RPGRIP1: variants seen among roughly 807,000 people sequenced by gnomAD.
RPGRIP1 encodes the protein RPGR interacting protein 1, also known as X-linked retinitis pigmentosa GTPase regulator-interacting protein 1.
In RPGRIP1, 128 loss-of-function variants were observed where a neutral mutation model predicts 157.9. The observed-to-expected ratio is 0.81, with a 90% CI of 0.70 to 0.94. The LOEUF (loss-of-function observed/expected upper bound fraction) is 0.94. Ranked by LOEUF, RPGRIP1 falls within the 40% of genes least tolerant of loss-of-function variation. The probability of loss-of-function intolerance (pLI) is 0.00; values close to 1 mark genes in which losing one functional copy is unlikely to be tolerated. For synonymous variants in RPGRIP1, 554 were observed against 571.6 expected, an observed-to-expected ratio of 0.97 and a Z score of 0.44; for missense variants, 1,486 against 1,545.8, an observed-to-expected ratio of 0.96 and a Z score of 0.65.
chr14:21,348,134 G>A, intron 23 of RPGRIP1, 38 bp from the exon 24 acceptor site: 3 of 1,480,814 alleles, frequency 2.0e-6, no homozygotes, highest in Non-Finnish European at 2.7e-6. Flanking sequence ...AGCATTAAGA[G>A]TATCAACAGT....
chr14:21,346,935 T>G (rs1885628738), intron 23 of RPGRIP1, among the ~76,000 whole-genome samples: 1 of 152,268 alleles, frequency 6.6e-6, no homozygotes, highest in Admixed American at 6.5e-5. Context: ...AGGAGCCAGA[T>G]GAAATAAACA....
chr14:21,302,793 C>A, intron 5 of RPGRIP1: 1 of 351,886 alleles, frequency 2.8e-6, no homozygotes, highest in Non-Finnish European at 5.1e-6. Flanking sequence ...AATAAAGGTC[C>A]ATTTCTCAGT....
chr14:21,341,979 A>G (rs1483849696), intron 21 of RPGRIP1, among the ~76,000 whole-genome samples: 1 of 151,498 alleles, frequency 6.6e-6, no homozygotes, highest in East Asian at 2.0e-4. Context: ...GAACCCGGGA[A>G]GAAGAGCTTG....
intron 1 of RPGRIP1, among the ~76,000 whole-genome samples, chr14:21,284,184 G>T (rs1880225242): frequency 6.6e-6 from 1 of 152,148 alleles, no homozygotes; most frequent in Admixed American, 6.6e-5. Context: ...CTAGGTGATA[G>T]AATTTCTCCA....
intron 1 of RPGRIP1, among the ~76,000 whole-genome samples, chr14:21,281,489 G>C (rs546852938): frequency 6.6e-6 from 1 of 151,906 alleles, no homozygotes; most frequent in African/African-American, 2.4e-5. Flanking sequence ...AGGAGTTCAA[G>C]ACCAGTCTGG....
intron 24 of RPGRIP1, among the ~76,000 whole-genome samples, chr14:21,349,919 G>A (rs543733106): frequency 6.6e-6 from 1 of 152,152 alleles, no homozygotes; most frequent in Non-Finnish European, 1.5e-5. Flanking sequence ...ACATAGCTGG[G>A]ATGTCACCTA....
chr14:21,302,696 G>T, intron 5 of RPGRIP1, 112 bp downstream of exon 5: 1 of 631,762 alleles, frequency 1.6e-6, no homozygotes. Flanking sequence ...CATGATCAGG[G>T]AAGATGAAAG....
Position 21,311,960 on chromosome 14 carries a change from C to T in RPGRIP1, c.1067C>T (p.Thr356Ile). Residue 356 changes from threonine (T) to isoleucine (I), a missense_variant, in exon 9 of 25, where the codon ACT (threonine) becomes ATT (isoleucine). Physicochemically the swap from Thr to Ile is moderately conservative, Grantham distance 89. Transcript: ENST00000400017. ...QLEDVSILQM[T>I]LKEFQERVED... ...GAAGATGTGTCTATCTTGCAGATGA[C>T]TCTGAAGGAGGTAAATAATAATAGT... 1 of 1,612,738 alleles carries T rather than the reference C, an allele frequency of 6.2e-7. No individual in the cohort carries two copies. The highest frequency in any genetic ancestry group is 8.5e-7 in the Non-Finnish European group (1 of 1,179,276).
At chr14:21,299,194 G>T (rs1000900138) in intron 3 of RPGRIP1, among the ~76,000 whole-genome samples, 64 of 152,058 alleles carry the variant, frequency 4.2e-4, no homozygotes, top group African/African-American at 1.4e-3. Flanking sequence ...TACAGACAGG[G>T]TTTCTCCATG....
chr14:21,296,639 T>C (rs1011005191), intron 3 of RPGRIP1, among the ~76,000 whole-genome samples: 1 of 150,844 alleles, frequency 6.6e-6, no homozygotes, highest in African/African-American at 2.4e-5. Context: ...GCATGACCCA[T>C]CGTGCCCAGT....
intron 14 of RPGRIP1, 89 bp from the exon 15 acceptor site, chr14:21,324,529 G>A (rs1882838504): frequency 9.4e-7 from 1 of 1,066,088 alleles, no homozygotes; most frequent in African/African-American, 1.6e-5. Flanking sequence ...CTTCCACCAT[G>A]TGTTTTATAT....
chr14:21,282,125 T>A (rs1161435814), intron 1 of RPGRIP1, among the ~76,000 whole-genome samples: 1 of 152,176 alleles, frequency 6.6e-6, no homozygotes, highest in African/African-American at 2.4e-5. Flanking sequence ...TTTTAATTGC[T>A]GATGTCATCA....
chr14:21,316,455 T>C (rs1218050386), intron 10 of RPGRIP1, among the ~76,000 whole-genome samples: 1 of 152,086 alleles, frequency 6.6e-6, no homozygotes, highest in African/African-American at 2.4e-5. Context: ...CTCACACTGT[T>C]ACCTGGGCTG....
intron 15 of RPGRIP1, 43 bp from the exon 16 acceptor site, chr14:21,325,189 C>T: frequency 6.4e-7 from 1 of 1,565,744 alleles, no homozygotes; most frequent in Non-Finnish European, 8.6e-7. Context: ...ATCCTTGCCA[C>T]ACCATCTGTA....
intron 7 of RPGRIP1, among the ~76,000 whole-genome samples, chr14:21,308,446 A>AC (rs11156920): frequency 0.54 from 81,962 of 151,800 alleles, 22,163 homozygotes; most frequent in South Asian, 0.62. Flanking sequence ...AAGTAAGAAA[A>AC]AACTGCCTTC....
chr14:21,322,569 C>G (rs1336977378), intron 14 of RPGRIP1, among the ~76,000 whole-genome samples: 1 of 152,114 alleles, frequency 6.6e-6, no homozygotes, highest in African/African-American at 2.4e-5. Context: ...GGGCTTAATT[C>G]TGTTGTGAGA....
At chr14:21,334,747 T>G (rs1379446979) in intron 21 of RPGRIP1, 42 bp downstream of exon 21, 1 of 1,333,594 alleles carries the variant, frequency 7.5e-7, no homozygotes, top group Non-Finnish European at 1.0e-6. Context: ...GATAAGACGA[T>G]AAATAATGAC....
intron 2 of RPGRIP1, among the ~76,000 whole-genome samples, chr14:21,290,061 TG>T (rs1350306050): frequency 2.6e-5 from 4 of 151,950 alleles, no homozygotes; most frequent in African/African-American, 9.7e-5. Flanking sequence ...TTCACCATGC[TG>T]GCCGGACTGG....
chr14:21,284,239 A>G (rs915416863), intron 1 of RPGRIP1, among the ~76,000 whole-genome samples: 13 of 152,194 alleles, frequency 8.5e-5, no homozygotes, highest in African/African-American at 3.1e-4. Flanking sequence ...TTTGTTCAAA[A>G]TAAGCTTCTG....
Sources: allele counts gnomAD v4.1 joint callset (sites outside exome capture counted in the v4.1 genomes callset), GRCh38; gene constraint gnomAD v4.1.1; transcripts MANE v1.5; gene names NCBI Gene and HGNC (gene_info 2026-07-23, HGNC 2026-07-21).